Variants in FSHR observed in about 807,000 individuals in gnomAD.
FSHR encodes the protein follicle stimulating hormone receptor.
FSHR carries 46 observed loss-of-function variants against 52.1 expected under a neutral mutation model. The ratio of observed to expected loss-of-function variants is 0.88; its 90% confidence interval spans 0.70 to 1.13. The LOEUF (loss-of-function observed/expected upper bound fraction) is 1.13. FSHR is among the 50% of genes most tolerant of loss of function. The probability of loss-of-function intolerance (pLI) is 0.00; values close to 1 mark genes in which losing one functional copy is unlikely to be tolerated. For missense variants in FSHR, 964 were observed against 834.6 expected (o/e 1.16, Z -1.91); for synonymous variants, 399 against 309.6 (o/e 1.29, Z -3.03).
At chr2:49,043,537 A>G (rs938109616) in intron 2 of FSHR, among the ~76,000 whole-genome samples, 6 of 152,184 alleles carry the variant, frequency 3.9e-5, no homozygotes, top group African/African-American at 1.4e-4. Context: ...TCCTAAGTCA[A>G]TGACACTAAG....
chr2:49,036,896 G>A (rs1021993120), intron 2 of FSHR, among the ~76,000 whole-genome samples: 1 of 152,056 alleles, frequency 6.6e-6, no homozygotes, highest in Non-Finnish European at 1.5e-5. Flanking sequence ...AAAATTTTTA[G>A]AAAATTTAGA....
At chr2:49,021,143 A>T (rs993201667) in intron 2 of FSHR, among the ~76,000 whole-genome samples, 1 of 152,012 alleles carries the variant, frequency 6.6e-6, no homozygotes, top group Non-Finnish European at 1.5e-5. Flanking sequence ...ATCCCTTTCC[A>T]CTCCATGCCA....
intron 6 of FSHR, among the ~76,000 whole-genome samples, chr2:48,987,865 C>T (rs1263510549): frequency 1.3e-5 from 2 of 151,846 alleles, no homozygotes; most frequent in African/African-American, 2.4e-5. Flanking sequence ...CACACACACA[C>T]ACACACCCCT....
intron 1 of FSHR, among the ~76,000 whole-genome samples, chr2:49,086,814 T>C (rs563630222): frequency 6.6e-6 from 1 of 152,190 alleles, no homozygotes; most frequent in East Asian, 1.9e-4. Flanking sequence ...CTAATTTTCT[T>C]AGTTTCACCG....
intron 1 of FSHR, among the ~76,000 whole-genome samples, chr2:49,074,714 T>G (rs116772738): frequency 0.017 from 2,540 of 152,238 alleles, 38 homozygotes; most frequent in Non-Finnish European, 0.024. Flanking sequence ...CAAAGAGACA[T>G]CTACACTTCC....
intron 2 of FSHR, among the ~76,000 whole-genome samples, chr2:49,023,203 C>T (rs1667799209): frequency 6.6e-6 from 1 of 152,204 alleles, no homozygotes; most frequent in Non-Finnish European, 1.5e-5. Flanking sequence ...TCTAGCTTCT[C>T]ACAAGATCTT....
chr2:48,997,336 A>G, intron 4 of FSHR: 5 of 985,172 alleles, frequency 5.1e-6, no homozygotes, highest in Non-Finnish European at 6.0e-6. Flanking sequence ...CTCAGTCTCC[A>G]TGGAAACCAA....
intron 8 of FSHR, among the ~76,000 whole-genome samples, chr2:48,981,843 T>A (rs1675261174): frequency 6.6e-6 from 1 of 152,198 alleles, no homozygotes; most frequent in Non-Finnish European, 1.5e-5. Context: ...TAACCACACA[T>A]GGTAGCCTAT....
At chr2:49,112,949 G>T (rs1033827511) in intron 1 of FSHR, among the ~76,000 whole-genome samples, 1 of 152,118 alleles carries the variant, frequency 6.6e-6, no homozygotes, top group African/African-American at 2.4e-5. Flanking sequence ...GAAGCAACTG[G>T]AGGGAAAAGA....
At chr2:49,002,275 C>T (rs1177160954) in intron 4 of FSHR, among the ~76,000 whole-genome samples, 2 of 152,128 alleles carry the variant, frequency 1.3e-5, no homozygotes, top group African/African-American at 4.8e-5. Context: ...TTTTAACTTT[C>T]AAAATGTTCC....
chr2:49,118,108 A>G (rs1671671710), intron 1 of FSHR, among the ~76,000 whole-genome samples: 1 of 152,030 alleles, frequency 6.6e-6, no homozygotes, highest in Non-Finnish European at 1.5e-5. Context: ...AATTTGATGG[A>G]TGGTTGGGGG....
intron 1 of FSHR, among the ~76,000 whole-genome samples, chr2:49,117,148 T>G (rs1411698286): frequency 6.6e-6 from 1 of 152,166 alleles, no homozygotes; most frequent in South Asian, 2.1e-4. Flanking sequence ...ACAGGAGAAG[T>G]CTACTTCTGT....
chr2:48,968,035 ACTTTCTCTTTACT>A (rs967196069), intron 9 of FSHR, among the ~76,000 whole-genome samples: 6 of 152,194 alleles, frequency 3.9e-5, no homozygotes, highest in African/African-American at 7.2e-5. Context: ...CTCCAAGGCG[ACTTTCTCTTTACT>A]CTTTCCAGAT....
intron 1 of FSHR, among the ~76,000 whole-genome samples, chr2:49,114,612 G>A (rs1356951330): frequency 1.3e-5 from 2 of 152,088 alleles, no homozygotes; most frequent in Non-Finnish European, 2.9e-5. Flanking sequence ...AAGAACCCTC[G>A]TAGCATTACT....
At chr2:49,112,592 T>C (rs1392957598) in intron 1 of FSHR, among the ~76,000 whole-genome samples, 21 of 152,148 alleles carry the variant, frequency 1.4e-4, no homozygotes, top group Non-Finnish European at 2.8e-4. Flanking sequence ...ACCCATGTCT[T>C]TGAAGTCTTT....
chr2:49,068,219 A>G lies in FSHR; in HGVS notation c.224T>C (p.Ile75Thr). Residue 75 changes from isoleucine (I) to threonine (T), a missense_variant and splice_region_variant, in exon 2 of 10, where the codon ATA becomes ACA. Physicochemically the swap from Ile to Thr is moderately conservative, Grantham distance 89 (BLOSUM62 -1). Coordinates refer to ENST00000406846, the MANE Select transcript of FSHR (RefSeq NM_000145.4). ...ACTCACAGCAGTGCTAGGTACATAC[A>G]TTTTCTCCAGGTCCCCAAATCCTGA... The part of the protein sequence containing the change: ...AFSGFGDLEK[I>T]EISQNDVLEV... 2.5e-6 allele frequency: 4 copies of G among 1,609,760 alleles called. No homozygotes were observed. Among genetic ancestry groups the G allele is most frequent in the South Asian group, 1.1e-5 (1 of 90,884 alleles).
chr2:49,024,356 C>G (rs1240710261), intron 2 of FSHR, among the ~76,000 whole-genome samples: 2 of 152,048 alleles, frequency 1.3e-5, no homozygotes, highest in African/African-American at 4.8e-5. Context: ...GGGTGGATCA[C>G]CTGAGGTCAG....
Position 49,041,965 on chromosome 2 carries a change from G to A in FSHR, c.225-21805C>T, listed in dbSNP as rs544480061. Among the ~76,000 whole-genome samples the A allele has an allele frequency of 2.0e-5, 3 of 152,232 alleles. No homozygotes were observed. In the South Asian group the frequency reaches 6.2e-4, roughly 32 times the overall value. On this transcript the variant is annotated intron_variant, in intron 2 of 9. Transcript: ENST00000406846. The stretch of plus-strand genomic sequence containing the variant: ...AGTTTGAGACCAGCCTGGCAACATG[G>A]TGGGACTGTGTCTATAAGAAATACA...
At chr2:49,148,616 G>A (rs925832645) in intron 1 of FSHR, among the ~76,000 whole-genome samples, 4 of 152,030 alleles carry the variant, frequency 2.6e-5, no homozygotes, top group Non-Finnish European at 5.9e-5. Context: ...AAGATTAAGT[G>A]TGAAATGAAC....
Sources: allele counts gnomAD v4.1 joint callset (sites outside exome capture counted in the v4.1 genomes callset), GRCh38; gene constraint gnomAD v4.1.1; transcripts MANE v1.5; gene names NCBI Gene and HGNC (gene_info 2026-07-23, HGNC 2026-07-21).